The following PSD3 variants were observed in gnomAD, a reference collection of about 807,000 sequenced individuals.
PSD3 encodes the protein PH and SEC7 domain-containing protein 3.
Under a neutral mutation model 105.5 loss-of-function variants are expected in PSD3, and 49 were observed. The ratio of observed to expected loss-of-function variants is 0.46; its 90% CI spans 0.37 to 0.59. The LOEUF is 0.59. Ranked by LOEUF, PSD3 falls within the 20% of genes least tolerant of loss-of-function variation. The pLI is 0.00. For synonymous variants in PSD3, 557 were observed against 457.8 expected, an observed-to-expected ratio of 1.22 and a Z score of -2.77; for missense variants, 1,561 against 1,263.8, an observed-to-expected ratio of 1.24 and a Z score of -3.57.
intron 2 of PSD3, among the ~76,000 whole-genome samples, chr8:18,890,407 T>C (rs542263599): frequency 2.2e-4 from 34 of 152,056 alleles, no homozygotes; most frequent in Non-Finnish European, 4.4e-4. Context: ...AGAGAGAAAA[T>C]CAGAATTCCA....
At chr8:18,596,714 T>A (rs1804128076) in intron 12 of PSD3, among the ~76,000 whole-genome samples, 1 of 151,682 alleles carries the variant, frequency 6.6e-6, no homozygotes, top group Admixed American at 6.6e-5. Context: ...ACCAACAAAT[T>A]GGGAAACCTA....
At chr8:18,576,110 A>C (rs7815083) in intron 12 of PSD3, among the ~76,000 whole-genome samples, 2 of 152,260 alleles carry the variant, frequency 1.3e-5, no homozygotes, top group Non-Finnish European at 2.9e-5. Context: ...TGCTTTTACA[A>C]ATTTTCACAA....
chr8:18,811,048 A>G (rs770146669), intron 4 of PSD3, among the ~76,000 whole-genome samples: 2 of 152,222 alleles, frequency 1.3e-5, no homozygotes, highest in Non-Finnish European at 2.9e-5. Flanking sequence ...ACATCATCTA[A>G]TTCCCAAAGA....
intron 12 of PSD3, among the ~76,000 whole-genome samples, chr8:18,579,185 A>T (rs1251937329): frequency 1.3e-5 from 2 of 151,806 alleles, no homozygotes; most frequent in Non-Finnish European, 2.9e-5. Flanking sequence ...CAATTGGATT[A>T]AAAAAATGAC....
chr8:18,783,961 C>T (rs1485581983), intron 8 of PSD3, among the ~76,000 whole-genome samples: 1 of 152,086 alleles, frequency 6.6e-6, no homozygotes, highest in Non-Finnish European at 1.5e-5. Context: ...TCTTTTAGTT[C>T]CTCTTGTAAA....
chr8:18,645,595 T>C (rs1052834954), intron 10 of PSD3, among the ~76,000 whole-genome samples: 7 of 152,248 alleles, frequency 4.6e-5, no homozygotes, highest in African/African-American at 1.7e-4. Context: ...TGTAAGTTTG[T>C]TATGCTAGTA....
intron 9 of PSD3, among the ~76,000 whole-genome samples, chr8:18,688,689 T>A (rs1057307345): frequency 2.0e-5 from 3 of 152,182 alleles, no homozygotes; most frequent in Admixed American, 2.0e-4. Flanking sequence ...TCACCCACAA[T>A]CATGGTGTTA....
chr8:18,603,745 G>C (rs899027165), intron 11 of PSD3, among the ~76,000 whole-genome samples: 1 of 152,184 alleles, frequency 6.6e-6, no homozygotes, highest in Admixed American at 6.5e-5. Flanking sequence ...TCGTGACACT[G>C]AGTAAGTGAA....
chr8:18,529,756 A>G lies in PSD3; in HGVS notation c.*5987T>C, dbSNP rs1799556000. On this transcript the variant is annotated 3_prime_UTR_variant, in exon 16 of 16. Coordinates refer to ENST00000327040, the MANE Select transcript of PSD3 (RefSeq NM_015310.4). ...TATGTTTAAAGTCCAAACATTTCAAATGGTTAAGGCCCAAAAATGAAACGT... is the reference window on the plus strand; with the variant it reads ...TATGTTTAAAGTCCAAACATTTCAAGTGGTTAAGGCCCAAAAATGAAACGT... 6.6e-6 allele frequency: 1 copy of G among 152,594 alleles called. No individual in the cohort carries two copies. Among genetic ancestry groups the G allele is most frequent in the Non-Finnish European group, 1.5e-5 (1 of 68,030 alleles). 9.5% of individuals were successfully genotyped at this position (152,594 alleles called of 1,614,324 possible).
At chr8:18,828,665 C>T (rs572089861) in intron 4 of PSD3, among the ~76,000 whole-genome samples, 42 of 151,944 alleles carry the variant, frequency 2.8e-4, no homozygotes, top group Non-Finnish European at 5.3e-4. Context: ...CAAAGAAATA[C>T]AAAAGTTAGC....
intron 1 of PSD3, among the ~76,000 whole-genome samples, chr8:19,078,633 C>G (rs748177924): frequency 1.3e-5 from 2 of 151,928 alleles, no homozygotes; most frequent in African/African-American, 4.8e-5. Flanking sequence ...ATCTCAGCAC[C>G]CCTGTTAGCA....
intron 4 of PSD3, among the ~76,000 whole-genome samples, chr8:18,841,719 C>T (rs188172482): frequency 3.9e-5 from 6 of 152,198 alleles, no homozygotes; most frequent in Non-Finnish European, 7.4e-5. Flanking sequence ...CTCCATCTGG[C>T]GCTAACATGA....
chr8:18,729,092 T>C (rs1339291409), intron 9 of PSD3, among the ~76,000 whole-genome samples: 2 of 152,130 alleles, frequency 1.3e-5, no homozygotes, highest in African/African-American at 4.8e-5. Flanking sequence ...CTGTAAAATT[T>C]AACAACTAAC....
At chr8:18,548,161 T>G (rs1308485245) in intron 15 of PSD3, among the ~76,000 whole-genome samples, 1 of 152,200 alleles carries the variant, frequency 6.6e-6, no homozygotes, top group East Asian at 1.9e-4. Context: ...TTTGGGTTGT[T>G]AAATAATTTC....
intron 14 of PSD3, among the ~76,000 whole-genome samples, chr8:18,565,266 C>G (rs928885711): frequency 6.6e-6 from 1 of 152,182 alleles, no homozygotes; most frequent in Non-Finnish European, 1.5e-5. Context: ...TGTGAGCAGA[C>G]TGTGAACAGG....
At chr8:18,909,549 G>A (rs748860246) in intron 2 of PSD3, among the ~76,000 whole-genome samples, 33 of 151,960 alleles carry the variant, frequency 2.2e-4, no homozygotes, top group Non-Finnish European at 4.1e-4. Context: ...GCATGATCTC[G>A]GCTCACTGCA....
rs1489620582 is a variant in PSD3 at position 18,857,096 on chromosome 8, A to G, written c.1634+10578T>C. Among the ~76,000 whole-genome samples, 2 of 152,186 alleles carry G rather than the reference A, an allele frequency of 1.3e-5. 1 individual carries two copies. The highest frequency in any genetic ancestry group is 4.8e-5 in the African/African-American group (2 of 41,436). ...CACCACACCTAAGACAACAGAAGAA[A>G]TCATTTCCAGGTTCACAGCCAGGAG... On this transcript the variant is annotated intron_variant, in intron 4 of 15. Coordinates refer to ENST00000327040, the MANE Select transcript of PSD3 (RefSeq NM_015310.4).
chr8:18,603,601 G>A (rs62498659), intron 11 of PSD3, among the ~76,000 whole-genome samples: 43,364 of 152,066 alleles, frequency 0.29, 6,291 homozygotes, highest in East Asian at 0.34. Flanking sequence ...TTGCAATGTT[G>A]ATAGTGTTTA....
intron 1 of PSD3, among the ~76,000 whole-genome samples, chr8:18,997,039 C>G (rs978184832): frequency 6.6e-6 from 1 of 151,880 alleles, no homozygotes; most frequent in Non-Finnish European, 1.5e-5. Context: ...TTTATTGGTG[C>G]CTTCTCATCT....
Sources: allele counts gnomAD v4.1 joint callset (sites outside exome capture counted in the v4.1 genomes callset), GRCh38; gene constraint gnomAD v4.1.1; transcripts MANE v1.5; gene names NCBI Gene and HGNC (gene_info 2026-07-23, HGNC 2026-07-21).